DNER: variants seen among roughly 807,000 people sequenced by gnomAD.
DNER encodes the protein delta/notch like EGF repeat containing.
A neutral mutation model predicts 78.2 loss-of-function variants in DNER; 33 were observed. The observed-to-expected ratio is 0.42, with a 90% confidence interval of 0.32 to 0.56. The LOEUF is 0.56. DNER is among the 20% of genes least tolerant of loss of function. The probability of loss-of-function intolerance (pLI) is 0.11; values close to 1 mark genes in which losing one functional copy is unlikely to be tolerated. For missense variants in DNER, 918 were observed against 975.3 expected, an observed-to-expected ratio of 0.94 and a Z score of 0.78; for synonymous variants, 417 against 384.8, an observed-to-expected ratio of 1.08 and a Z score of -0.98.
intron 1 of DNER, among the ~76,000 whole-genome samples, chr2:229,708,518 G>A (rs916325049): frequency 6.6e-5 from 10 of 152,270 alleles, no homozygotes; most frequent in African/African-American, 1.4e-4. Context: ...TTTGGTGGGG[G>A]CAGGATTCTG....
chr2:229,658,817 C>T (rs1204741820), intron 1 of DNER, among the ~76,000 whole-genome samples: 1 of 151,988 alleles, frequency 6.6e-6, no homozygotes, highest in Non-Finnish European at 1.5e-5. Flanking sequence ...CTAAGGCTGT[C>T]GATGCTGAAA....
At chr2:229,547,236 G>A (rs1179259759) in intron 4 of DNER, 144 bp from the exon 5 acceptor site, 1 of 1,183,852 alleles carries the variant, frequency 8.4e-7, no homozygotes, top group Non-Finnish European at 1.2e-6. Flanking sequence ...ATGCAGTGAG[G>A]CAAGGGAATA....
chr2:229,640,382 TA>T (rs1376555965), intron 1 of DNER, among the ~76,000 whole-genome samples: 1 of 152,030 alleles, frequency 6.6e-6, no homozygotes, highest in Admixed American at 6.6e-5. Context: ...GATATCTGAA[TA>T]GTGAGCAAAA....
At chr2:229,460,557 A>G (rs2154210833) in intron 7 of DNER, among the ~76,000 whole-genome samples, 1 of 152,198 alleles carries the variant, frequency 6.6e-6, no homozygotes, top group African/African-American at 2.4e-5. Flanking sequence ...CAGTTCTTAC[A>G]CTGGTAATTT....
chr2:229,547,115 G>A (rs774475593), intron 4 of DNER, 23 bp from the exon 5 acceptor site: 1 of 1,613,108 alleles, frequency 6.2e-7, no homozygotes, highest in South Asian at 1.1e-5. Context: ...GAGGCAAAAG[G>A]AAATTGTCAA....
intron 1 of DNER, among the ~76,000 whole-genome samples, chr2:229,655,035 T>C (rs1335735102): frequency 6.6e-6 from 1 of 152,192 alleles, no homozygotes; most frequent in Non-Finnish European, 1.5e-5. Context: ...TCATCGGTAC[T>C]GAGATGAATC....
chr2:229,668,573 T>TATACAC lies in DNER; in HGVS notation c.276+45574_276+45575insGTGTAT, dbSNP rs1553550489. Among the ~76,000 whole-genome samples the TATACAC allele has an allele frequency of 2.2e-3, 200 of 92,132 alleles. 3 individuals are homozygous for TATACAC. The highest frequency in any genetic ancestry group is 0.011 in the African/African-American group (190 of 17,074). 60.4% of individuals were successfully genotyped at this position (92,132 alleles called of 152,430 possible). A position where few individuals can be genotyped will look rare whatever the true frequency, so the allele number is the denominator to read the frequency against. Reference sequence around the variant, plus strand: ...ATATATATATATATATATATATATATATATATAAAAGAAGACATTTATGTG... The same window carrying TATACAC: ...ATATATATATATATATATATATATATATACACATATATAAAAGAAGACATTTATGTG... On this transcript the variant is annotated intron_variant, in intron 1 of 12. Coordinates refer to ENST00000341772, the MANE Select transcript of DNER (RefSeq NM_139072.4).
intron 1 of DNER, among the ~76,000 whole-genome samples, chr2:229,630,331 C>T (rs941387325): frequency 6.6e-6 from 1 of 151,864 alleles, no homozygotes; most frequent in Non-Finnish European, 1.5e-5. Context: ...CAGAAATTAG[C>T]CGGGTATGCT....
chr2:229,454,649 TA>T (rs1328069504), intron 7 of DNER, among the ~76,000 whole-genome samples: 2 of 151,412 alleles, frequency 1.3e-5, no homozygotes, highest in Non-Finnish European at 2.9e-5. Context: ...AAAATTTCAC[TA>T]AAGAGATATC....
intron 12 of DNER, among the ~76,000 whole-genome samples, chr2:229,366,071 G>C (rs1383592001): frequency 6.6e-6 from 1 of 152,102 alleles, no homozygotes; most frequent in Non-Finnish European, 1.5e-5. Context: ...ATGGATGCTG[G>C]GCTTAATACC....
At chr2:229,702,178 G>C (rs148647543) in intron 1 of DNER, 279 of 159,436 alleles carry the variant, frequency 1.7e-3, no homozygotes, top group Non-Finnish European at 2.8e-3. Context: ...GTCATGCCTT[G>C]ATTTCCTGCT....
chr2:229,630,110 A>T (rs1188287573), intron 1 of DNER, among the ~76,000 whole-genome samples: 1 of 152,204 alleles, frequency 6.6e-6, no homozygotes, highest in Non-Finnish European at 1.5e-5. Flanking sequence ...GTTAAGCTTC[A>T]GCAGAATTTA....
At chr2:229,633,620 A>G (rs780933803) in intron 1 of DNER, among the ~76,000 whole-genome samples, 4 of 152,246 alleles carry the variant, frequency 2.6e-5, no homozygotes, top group African/African-American at 7.2e-5. Context: ...CAAAGCCACA[A>G]TGTGAAATCT....
At chr2:229,632,186 C>T (rs1011140118) in intron 1 of DNER, among the ~76,000 whole-genome samples, 1 of 152,110 alleles carries the variant, frequency 6.6e-6, no homozygotes, top group Non-Finnish European at 1.5e-5. Flanking sequence ...CACTTCAATA[C>T]CAGCCAAAAT....
Position 229,629,438 on chromosome 2 carries a change from G to A in DNER, c.277-37550C>T, listed in dbSNP as rs190985539. ...CTCAACAGCACTGTAGTCACTATGT[G>A]GAGACCTCATTGGGCAGAAATGGTA... is the stretch of plus-strand genomic sequence containing the variant. On this transcript the variant is annotated intron_variant, in intron 1 of 12. Transcript: ENST00000341772. 2.0e-4 allele frequency among the ~76,000 whole-genome samples: 30 copies of A among 152,252 alleles called. No homozygotes were observed. In the East Asian group the frequency reaches 5.8e-3, roughly 29 times the overall value.
intron 12 of DNER, among the ~76,000 whole-genome samples, chr2:229,362,224 CTCA>C (rs1692233394): frequency 1.3e-5 from 2 of 152,212 alleles, no homozygotes; most frequent in Non-Finnish European, 2.9e-5. Flanking sequence ...ATCATCTCAT[CTCA>C]TCATCATAAC....
At chr2:229,688,820 G>C (rs1424414047) in intron 1 of DNER, among the ~76,000 whole-genome samples, 1 of 152,142 alleles carries the variant, frequency 6.6e-6, no homozygotes, top group Non-Finnish European at 1.5e-5. Flanking sequence ...GCCATAAAAA[G>C]GAATGAGATC....
At position 229,591,411 on chromosome 2, in the gene DNER, T is replaced by C. The variant is rs1269768931; in HGVS notation, c.585+169A>G. Among the ~76,000 whole-genome samples, 1 of 152,268 alleles carries C rather than the reference T, an allele frequency of 6.6e-6. No homozygotes were observed. The highest frequency in any genetic ancestry group is 1.5e-5 in the Non-Finnish European group (1 of 68,050). ...TTTTTGTTTACTCTTTTTATACTTA[T>C]AAAACCATCGTACACACAAATGCAG... On this transcript the variant is annotated intron_variant, in intron 2 of 12. Coordinates refer to ENST00000341772, the MANE Select transcript of DNER (RefSeq NM_139072.4). The surrounding 1 kb of genome is among the most constrained non-coding windows in gnomAD (Gnocchi z 4.6).
intron 1 of DNER, among the ~76,000 whole-genome samples, chr2:229,659,207 G>C (rs937241770): frequency 2.0e-5 from 3 of 152,144 alleles, no homozygotes; most frequent in African/African-American, 7.2e-5. Context: ...GAAAACATTA[G>C]ACTTCAGTAA....
Sources: allele counts gnomAD v4.1 joint callset (sites outside exome capture counted in the v4.1 genomes callset), GRCh38; gene constraint gnomAD v4.1.1; non-coding constraint Gnocchi (gnomAD v3.1); transcripts MANE v1.5; gene names NCBI Gene and HGNC (gene_info 2026-07-23, HGNC 2026-07-21).